HDHD5: variants seen among roughly 807,000 people sequenced by gnomAD.
HDHD5 encodes haloacid dehalogenase like hydrolase domain containing 5, also known as haloacid dehalogenase-like hydrolase domain-containing 5.
In HDHD5, 34 loss-of-function variants were observed where a neutral mutation model predicts 35.5. That is an observed-to-expected ratio of 0.96 (90% CI 0.73 to 1.28). The LOEUF (loss-of-function observed/expected upper bound fraction) is 1.28. Among genes scored for constraint, HDHD5 ranks in the 50% most tolerant of loss-of-function variants. The pLI is 0.00. For missense variants in HDHD5, 589 were observed against 560.2 expected, an observed-to-expected ratio of 1.05 and a Z score of -0.52; for synonymous variants, 248 against 240.6, an observed-to-expected ratio of 1.03 and a Z score of -0.29.
chr22:17,144,660 C>T (rs1265503827), intron 4 of HDHD5, among the ~76,000 whole-genome samples: 10 of 151,982 alleles, frequency 6.6e-5, no homozygotes, highest in African/African-American at 9.7e-5. Context: ...GTGATCCACC[C>T]GCCTTGGCCT....
intron 3 of HDHD5, among the ~76,000 whole-genome samples, chr22:17,146,083 T>A (rs2061658691): frequency 6.6e-6 from 1 of 152,114 alleles, no homozygotes; most frequent in African/African-American, 2.4e-5. Flanking sequence ...TCCACTGCCC[T>A]GAGAAGTCGG....
upstream of HDHD5, among the ~76,000 whole-genome samples, chr22:17,160,109 A>G (rs1158069587): frequency 6.6e-6 from 1 of 152,202 alleles, no homozygotes; most frequent in Non-Finnish European, 1.5e-5. Flanking sequence ...ATGCCCTCAG[A>G]TTCTTTGGCC....
chr22:17,160,642 C>A (rs1326547537), upstream of HDHD5, among the ~76,000 whole-genome samples: 2 of 128,464 alleles, frequency 1.6e-5, no homozygotes, highest in South Asian at 2.6e-4. Context: ...GAGTGAGACT[C>A]CGTCTTGAAA....
At chr22:17,150,034 C>T (rs930602960) in intron 1 of HDHD5, among the ~76,000 whole-genome samples, 1 of 152,092 alleles carries the variant, frequency 6.6e-6, no homozygotes, top group Non-Finnish European at 1.5e-5. Flanking sequence ...AGCCTTGACC[C>T]ACTGGGCTCA....
chr22:17,138,689 C>T lies in HDHD5; in HGVS notation c.796G>A (p.Val266Met), dbSNP rs775054507. ...TCGTATCTCAGCTCCTTGCCCGTCA[C>T]TTTCTGGTAAATGGTTTCCAGGCAC... ...LLCLETIYQK[V>M]TGKELRYEGL... The change falls in exon 7 of 8, where the codon GTG (valine) becomes ATG (methionine). Residue 266 changes from valine (V) to methionine (M), a missense_variant. Transcript: ENST00000336737. 5 of 1,614,252 alleles carry T rather than the reference C, an allele frequency of 3.1e-6. No individual in the cohort carries two copies. Among genetic ancestry groups the T allele is most frequent in the Non-Finnish European group, 4.2e-6 (5 of 1,180,046 alleles).
chr22:17,148,369 A>G (rs2061688460), intron 3 of HDHD5, 79 bp downstream of exon 3: 1 of 1,178,650 alleles, frequency 8.5e-7, no homozygotes, highest in Non-Finnish European at 1.3e-6. Context: ...ACTCCTCACT[A>G]CAGTCCCCAC....
intron 3 of HDHD5, among the ~76,000 whole-genome samples, chr22:17,146,551 G>A (rs531404433): frequency 9.4e-6 from 1 of 106,846 alleles, no homozygotes; most frequent in East Asian, 3.0e-4. Context: ...CACCTGTGAC[G>A]CCCTCCTGTG....
In HDHD5 at chr22:17,158,913, G is replaced by A. The variant is rs1371668648; in HGVS notation, c.126+213C>T. ...GGCCGTCCCACGAGCGCTCTCCCGC[G>A]GGAGTAGCGTTTCCGAGGCCGCCAG... is the stretch of plus-strand genomic sequence containing the variant. On this transcript the variant is annotated intron_variant, in intron 1 of 7. Transcript: ENST00000336737. 4 of 354,076 alleles carry A rather than the reference G, an allele frequency of 1.1e-5. No homozygotes were observed. The East Asian group carries it at 2.0e-4, about 17-fold the overall frequency. The allele number at this position is 354,076 out of a possible 1,614,324, so 21.9% of individuals were successfully genotyped here.
Position 17,159,156 on chromosome 22 carries a change from G to A in HDHD5, c.96C>T (p.Ala32=), listed in dbSNP as rs1355647283. The change falls in exon 1 of 8, where the codon GCC becomes GCT. Residue 32 remains alanine (A), a synonymous_variant. Coordinates refer to ENST00000336737, the MANE Select transcript of HDHD5 (RefSeq NM_033070.3). ...CGGGGCCCACAGCATAGCACCTGCG[G>A]GCGGGGCGGCCCTGGAGCCCCGCAG... ...RAAAGLQGRP[A]RRCYAVGPAQ... The A allele has an allele frequency of 3.3e-6, 4 of 1,222,700 alleles. No homozygotes were observed. The highest frequency in any genetic ancestry group is 3.1e-6 in the Non-Finnish European group (3 of 980,856). 75.7% of individuals were successfully genotyped at this position (1,222,700 alleles called of 1,614,324 possible). A position where few individuals can be genotyped will look rare whatever the true frequency, so the allele number is the denominator to read the frequency against.
intron 5 of HDHD5, 186 bp downstream of exon 5, chr22:17,142,912 G>C: frequency 1.7e-6 from 1 of 578,034 alleles, no homozygotes; most frequent in East Asian, 3.4e-5. Context: ...GAGTGGCATG[G>C]GGAAGGAAAG....
At chr22:17,153,269 G>A (rs1350604272) in intron 1 of HDHD5, among the ~76,000 whole-genome samples, 1 of 152,148 alleles carries the variant, frequency 6.6e-6, no homozygotes, top group Admixed American at 6.5e-5. Context: ...CAATATACAG[G>A]CACTAAATTA....
At chr22:17,144,840 C>T (rs1322607955) in intron 4 of HDHD5, among the ~76,000 whole-genome samples, 184 bp downstream of exon 4, 7 of 151,984 alleles carry the variant, frequency 4.6e-5, no homozygotes, top group South Asian at 4.2e-4. Flanking sequence ...TGTAAGCCAC[C>T]GCAGCCAGCC....
upstream of HDHD5, chr22:17,159,286 G>GCA (rs1555882039): frequency 8.6e-6 from 9 of 1,040,536 alleles, no homozygotes; most frequent in African/African-American, 2.5e-5. Flanking sequence ...ACGGCGTGCG[G>GCA]CCCCCCCCCC....
intron 1 of HDHD5, among the ~76,000 whole-genome samples, chr22:17,154,708 A>G (rs1213061381): frequency 6.6e-6 from 1 of 151,004 alleles, no homozygotes; most frequent in East Asian, 1.9e-4. Flanking sequence ...CTGCAACCTC[A>G]ACCTCCTGAG....
In HDHD5 at chr22:17,143,143, C is replaced by A. The variant is rs764162912; in HGVS notation, c.538-12G>T. 2.2e-5 allele frequency: 35 copies of A among 1,607,682 alleles called. No individual in the cohort carries two copies. The African/African-American group carries it at 4.0e-4, about 18-fold the overall frequency. On this transcript the variant is annotated splice_polypyrimidine_tract_variant and intron_variant, in intron 4 of 7. Coordinates refer to ENST00000336737, the MANE Select transcript of HDHD5 (RefSeq NM_033070.3). ...TTCCTCGGGAGGGGCTGCAGAGAGA[C>A]AAAGGAGAGGCTATCAACACAAGTC...
At chr22:17,149,403 T>A (rs1369015544) in intron 2 of HDHD5, 139 bp downstream of exon 2, 2 of 752,654 alleles carry the variant, frequency 2.7e-6, no homozygotes, top group African/African-American at 1.7e-5. Context: ...ACAGGCAGGA[T>A]TTCTGTGTTC....
Position 17,138,622 on chromosome 22 carries a change from G to A in HDHD5, c.863C>T (p.Ala288Val). ...GKPSILTYQY[A>V]EDLIRRQAER... is the part of the protein sequence containing the mutation. ...CGCCTGTCGCCTGATCAGGTCCTCG[G>A]CATACTGGTAAGTGAGGATGCTGGG... Residue 288 changes from alanine to valine, a missense_variant, in exon 7 of 8, where the codon GCC becomes GTC. Transcript: ENST00000336737. 1 of 1,614,246 alleles carries A rather than the reference G, an allele frequency of 6.2e-7. No homozygotes were observed. The highest frequency in any genetic ancestry group is 8.5e-7 in the Non-Finnish European group (1 of 1,180,048).
chr22:17,143,388 G>C, intron 4 of HDHD5: 2 of 429,188 alleles, frequency 4.7e-6, no homozygotes, highest in Non-Finnish European at 8.2e-6. Context: ...GTGGTCAGCT[G>C]TCTTTCTCTG....
chr22:17,146,077 C>A (rs1033239509), intron 3 of HDHD5, among the ~76,000 whole-genome samples: 15 of 152,132 alleles, frequency 9.9e-5, no homozygotes, highest in African/African-American at 3.6e-4. Context: ...CTGCTTTCCA[C>A]TGCCCTGAGA....
Sources: allele counts gnomAD v4.1 joint callset (sites outside exome capture counted in the v4.1 genomes callset), GRCh38; gene constraint gnomAD v4.1.1; transcripts MANE v1.5; gene names NCBI Gene and HGNC (gene_info 2026-07-23, HGNC 2026-07-21).